The following SLCO1A2 variants were observed in gnomAD, a reference collection of about 807,000 sequenced individuals.
The protein encoded by SLCO1A2 is OATP-1.
A neutral mutation model predicts 69.0 loss-of-function variants in SLCO1A2; 67 were observed. The observed-to-expected ratio is 0.97, with a 90% confidence interval of 0.80 to 1.19. SLCO1A2 has a LOEUF of 1.19. SLCO1A2 is among the 50% of genes most tolerant of loss of function. The probability of loss-of-function intolerance (pLI) is 0.00; values close to 1 mark genes in which losing one functional copy is unlikely to be tolerated. For missense variants in SLCO1A2, 787 were observed against 793.7 expected, an observed-to-expected ratio of 0.99 and a Z score of 0.10; for synonymous variants, 260 against 265.9, an observed-to-expected ratio of 0.98 and a Z score of 0.22.
chr12:21,403,049 T>C (rs943573138), intron 1 of SLCO1A2, among the ~76,000 whole-genome samples: 1 of 152,100 alleles, frequency 6.6e-6, no homozygotes, highest in Non-Finnish European at 1.5e-5. Context: ...ATTTGAACGA[T>C]GGTTGTGGAA....
rs1052002908 is a variant in SLCO1A2, at chr12:21,266,520, T to C, written c.*3028A>G. 1 of 152,104 alleles carries C rather than the reference T, an allele frequency of 6.6e-6. No homozygotes were observed. Among genetic ancestry groups the C allele is most frequent in the Non-Finnish European group, 1.5e-5 (1 of 68,012 alleles). The allele number at this position is 152,104 out of a possible 1,614,324, so 9.4% of individuals were successfully genotyped here. ...GTATTTTTTCAATGTAGATAAATAA[T>C]ATTTATTTCATAATAATAAATGATT... On this transcript the variant is annotated 3_prime_UTR_variant, in exon 15 of 15. Coordinates refer to ENST00000683939, the MANE Select transcript of SLCO1A2 (RefSeq NM_001386879.1).
intron 6 of SLCO1A2, among the ~76,000 whole-genome samples, chr12:21,304,176 T>C (rs1046651398): frequency 6.6e-6 from 1 of 152,140 alleles, no homozygotes; most frequent in Non-Finnish European, 1.5e-5. Flanking sequence ...GCCAAGCAGA[T>C]GAAAGGGTCA....
intron 12 of SLCO1A2, 90 bp from the exon 13 acceptor site, chr12:21,275,514 A>G: frequency 8.2e-7 from 1 of 1,220,830 alleles, no homozygotes; most frequent in Non-Finnish European, 1.1e-6. Context: ...AGCTAGTCAC[A>G]CATAATGAAC....
intron 2 of SLCO1A2, among the ~76,000 whole-genome samples, chr12:21,350,230 A>G (rs980275735): frequency 6.6e-6 from 1 of 152,038 alleles, no homozygotes; most frequent in African/African-American, 2.4e-5. Context: ...TAGTCTTAAG[A>G]CTATAAAGTC....
chr12:21,378,335 T>C, intron 1 of SLCO1A2: 1 of 1,614,176 alleles, frequency 6.2e-7, no homozygotes, highest in Non-Finnish European at 8.5e-7. Flanking sequence ...GGTGCCATTC[T>C]CTCATCTACC....
Position 21,269,728 on chromosome 12 carries a change from T to C in SLCO1A2, c.1833A>G (p.Ser611=), listed in dbSNP as rs1942445810. The C allele has an allele frequency of 1.2e-6, 2 of 1,612,446 alleles. No homozygotes were observed. Among genetic ancestry groups the C allele is most frequent in the Non-Finnish European group, 1.7e-6 (2 of 1,178,868 alleles). ...YLGLPAALRG[S]SFVPALIILI... ...AGATGATTAAGGCTGGAACAAAGCT[T>C]GATCCTCTTAGTGCTGCCGGCAATC... The change falls in exon 15 of 15, where the codon TCA becomes TCG. Residue 611 remains serine, a synonymous_variant. Transcript: ENST00000683939.
upstream of SLCO1A2, chr12:21,395,445 G>T (rs1337523246): frequency 6.5e-6 from 1 of 154,676 alleles, no homozygotes; most frequent in Non-Finnish European, 1.4e-5. Flanking sequence ...GAGACTGGGG[G>T]AGGGGCGCCC....
chr12:21,302,129 T>A (rs1436771816), intron 6 of SLCO1A2, among the ~76,000 whole-genome samples: 1 of 152,136 alleles, frequency 6.6e-6, no homozygotes, highest in Admixed American at 6.6e-5. Flanking sequence ...AGCCAATGAT[T>A]CTACAAAATC....
chr12:21,411,475 T>A (rs544188442), intron 1 of SLCO1A2, among the ~76,000 whole-genome samples: 18 of 152,314 alleles, frequency 1.2e-4, no homozygotes, highest in African/African-American at 4.3e-4. Flanking sequence ...AATTTATCTA[T>A]CCTCACACTG....
intron 1 of SLCO1A2, among the ~76,000 whole-genome samples, chr12:21,392,983 ACC>A (rs1941235988): frequency 1.3e-5 from 2 of 151,918 alleles, no homozygotes; most frequent in African/African-American, 4.8e-5. Context: ...CTTATCTCTC[ACC>A]TATTCTAAAT....
intron 4 of SLCO1A2, among the ~76,000 whole-genome samples, chr12:21,314,221 G>T (rs1048027164): frequency 6.6e-6 from 1 of 152,128 alleles, no homozygotes; most frequent in Non-Finnish European, 1.5e-5. Context: ...CAATTAAGCA[G>T]AATCTCATTA....
intron 12 of SLCO1A2, among the ~76,000 whole-genome samples, chr12:21,277,496 C>G (rs1021513773): frequency 6.9e-6 from 1 of 144,036 alleles, no homozygotes; most frequent in Non-Finnish European, 1.5e-5. Context: ...GAGAGACTCT[C>G]TGTTTGAGAA....
chr12:21,326,856 G>T (rs1952279962), intron 2 of SLCO1A2, among the ~76,000 whole-genome samples: 1 of 152,110 alleles, frequency 6.6e-6, no homozygotes, highest in Non-Finnish European at 1.5e-5. Context: ...TGAAAGTTAG[G>T]AAAATTTGGA....
intron 4 of SLCO1A2, 25 bp downstream of exon 4, chr12:21,314,524 A>T (rs1327326001): frequency 1.9e-6 from 3 of 1,610,974 alleles, no homozygotes; most frequent in Admixed American, 1.7e-5. Flanking sequence ...TTGACCACCC[A>T]AAATTATCAG....
At chr12:21,361,574 T>C (rs1353454432) in intron 2 of SLCO1A2, among the ~76,000 whole-genome samples, 9 of 152,116 alleles carry the variant, frequency 5.9e-5, no homozygotes, top group Admixed American at 2.6e-4. Context: ...CTTCAGAAGA[T>C]TGGTAATAAC....
chr12:21,284,263 C>A (rs934111155), intron 12 of SLCO1A2, among the ~76,000 whole-genome samples: 4 of 152,068 alleles, frequency 2.6e-5, no homozygotes, highest in African/African-American at 9.7e-5. Flanking sequence ...GGGGAGGAGC[C>A]AAGATGGCCA....
rs760003930 is a variant in SLCO1A2, at chr12:21,300,392, T to G, written c.866A>C (p.Lys289Thr). 1 of 1,613,430 alleles carries G rather than the reference T, an allele frequency of 6.2e-7. No homozygotes were observed. The highest frequency in any genetic ancestry group is 1.1e-5 in the South Asian group (1 of 91,052). ...ADIIKNENED[K>T]QKEEVKKEKY... is the part of the protein sequence containing the mutation. ...TTCCTTCTTGACCTCTTCTTTTTGT[T>G]TGTCTTCATTTTCATTTTTAATGAT... Residue 289 changes from lysine (K) to threonine (T), a missense_variant, in exon 8 of 15, where the codon AAA (lysine) becomes ACA (threonine). By Grantham distance (78) the Lys-to-Thr change is moderately conservative. Transcript: ENST00000683939.
chr12:21,347,808 C>T (rs912852922), intron 2 of SLCO1A2, among the ~76,000 whole-genome samples: 1 of 151,914 alleles, frequency 6.6e-6, no homozygotes, highest in African/African-American at 2.4e-5. Flanking sequence ...AAAGATACCA[C>T]CAATGGAAAT....
At chr12:21,342,403 A>G in intron 2 of SLCO1A2, among the ~76,000 whole-genome samples, 1 of 152,058 alleles carries the variant, frequency 6.6e-6, no homozygotes. Flanking sequence ...AAACTCCAAC[A>G]TTATTAAACA....
Sources: gnomAD v4.1 joint callset for allele counts (sites outside exome capture counted in the v4.1 genomes callset) on GRCh38, gnomAD v4.1.1 for gene constraint, MANE v1.5 for transcripts, NCBI Gene and HGNC (gene_info 2026-07-23, HGNC 2026-07-21) for gene names.